The following NCKAP1 variants were observed in gnomAD, a reference collection of about 807,000 sequenced individuals.
NCKAP1 encodes nck-associated protein 1.
NCKAP1 carries 21 observed loss-of-function variants against 151.2 expected under a neutral mutation model. That is an observed-to-expected ratio of 0.14 (90% confidence interval 0.10 to 0.20). The LOEUF (loss-of-function observed/expected upper bound fraction) is 0.20, where lower values mean the gene tolerates loss of function less well. Among genes scored for constraint, NCKAP1 ranks in the 10% least tolerant of loss-of-function variants. The pLI is 1.00. For synonymous variants in NCKAP1, 484 were observed against 451.8 expected, an observed-to-expected ratio of 1.07 and a Z score of -0.90; for missense variants, 933 against 1,352.1, an observed-to-expected ratio of 0.69 and a Z score of 4.86.
In NCKAP1 at chr2:182,942,139, C is replaced by T; in HGVS notation, c.2626G>A (p.Val876Met). The T allele has an allele frequency of 1.2e-6, 2 of 1,612,562 alleles. No individual in the cohort carries two copies. Among genetic ancestry groups the T allele is most frequent in the South Asian group, 1.1e-5 (1 of 90,956 alleles). The change falls in exon 24 of 31, where the codon GTG becomes ATG. Residue 876 changes from valine (V) to methionine (M), a missense_variant. Coordinates refer to ENST00000361354, the MANE Select transcript of NCKAP1 (RefSeq NM_013436.5). ...AAGCTGGTCCTCATTTGTGTTAACACATCAACATTCTCCACCACAAGTTTC... is the reference window on the plus strand; with the variant it reads ...AAGCTGGTCCTCATTTGTGTTAACATATCAACATTCTCCACCACAAGTTTC... The part of the protein sequence containing the change: ...LKKLVVENVD[V>M]LTQMRTSFDK...
intron 10 of NCKAP1, among the ~76,000 whole-genome samples, chr2:182,984,932 G>A (rs1202242124): frequency 6.6e-6 from 1 of 152,060 alleles, no homozygotes; most frequent in Non-Finnish European, 1.5e-5. Flanking sequence ...TACCTTAATT[G>A]TAAAAGATCT....
At chr2:183,026,381 GAGA>G (rs1197622414) in intron 1 of NCKAP1, among the ~76,000 whole-genome samples, 2 of 151,758 alleles carry the variant, frequency 1.3e-5, no homozygotes, top group African/African-American at 2.4e-5. Flanking sequence ...GAAGCTGAGG[GAGA>G]AGATCACTTG....
At chr2:182,988,956 C>T (rs1698111380) in intron 9 of NCKAP1, 74 bp downstream of exon 9, 33 of 1,345,802 alleles carry the variant, frequency 2.5e-5, no homozygotes, top group Admixed American at 3.9e-5. Context: ...ACTCCTTTAT[C>T]CCCAAAACTT....
intron 23 of NCKAP1, among the ~76,000 whole-genome samples, chr2:182,947,325 A>G (rs1181335973): frequency 1.3e-5 from 2 of 152,180 alleles, no homozygotes; most frequent in Non-Finnish European, 2.9e-5. Context: ...GTCTATGTAA[A>G]GAGGGCTGGG....
chr2:182,991,702 C>G (rs1402829030), intron 8 of NCKAP1, among the ~76,000 whole-genome samples: 1 of 149,760 alleles, frequency 6.7e-6, no homozygotes, highest in Admixed American at 6.7e-5. Flanking sequence ...AACAGAAGAC[C>G]AAGTCTTGAC....
intron 2 of NCKAP1, among the ~76,000 whole-genome samples, chr2:183,010,858 T>C (rs374233307): frequency 6.6e-6 from 1 of 152,216 alleles, no homozygotes; most frequent in Non-Finnish European, 1.5e-5. Context: ...GAAATATAAA[T>C]AGGTTAGTTC....
rs192499610 is a variant in NCKAP1 at position 182,963,252 on chromosome 2, A to G, written c.1762-974T>C. The stretch of plus-strand genomic sequence containing the variant: ...TTGGTTCACCTTAGGAAAGATTTCA[A>G]TTAATAAACAGTGTTTTGTTTAATC... On this transcript the variant is annotated intron_variant, in intron 17 of 30. Transcript: ENST00000361354. 1.3e-3 allele frequency among the ~76,000 whole-genome samples: 191 copies of G among 152,248 alleles called. 2 individuals are homozygous for G. The highest frequency in any genetic ancestry group is 4.4e-3 in the African/African-American group (184 of 41,574).
chr2:182,983,871 A>G (rs943833872), intron 10 of NCKAP1, among the ~76,000 whole-genome samples: 1 of 152,134 alleles, frequency 6.6e-6, no homozygotes, highest in Non-Finnish European at 1.5e-5. Flanking sequence ...CGTCTCTACT[A>G]AAAATACAAA....
chr2:182,946,020 G>T (rs71427864), intron 23 of NCKAP1, among the ~76,000 whole-genome samples: 1 of 152,064 alleles, frequency 6.6e-6, no homozygotes, highest in African/African-American at 2.4e-5. Flanking sequence ...AACATGGATA[G>T]AGCTGGAGAC....
At chr2:182,952,580 A>G (rs1388076268) in intron 22 of NCKAP1, 78 bp from the exon 23 acceptor site, 2 of 1,175,574 alleles carry the variant, frequency 1.7e-6, no homozygotes, top group African/African-American at 3.1e-5. Context: ...ACAATACAAC[A>G]TCTCATTATA....
chr2:182,946,560 A>C (rs993451728), intron 23 of NCKAP1, among the ~76,000 whole-genome samples: 12 of 152,078 alleles, frequency 7.9e-5, no homozygotes, highest in African/African-American at 2.7e-4. Context: ...CCCATATAAC[A>C]AACCTGCACA....
chr2:182,928,290 C>CT (rs1044244757), intron 28 of NCKAP1, 64 bp from the exon 29 acceptor site: 2 of 1,107,702 alleles, frequency 1.8e-6, no homozygotes, highest in Non-Finnish European at 2.7e-6. Context: ...GAAGGCAAAT[C>CT]TTTAATGACT....
intron 26 of NCKAP1, among the ~76,000 whole-genome samples, chr2:182,932,016 T>A (rs746911111): frequency 3.2e-4 from 49 of 152,234 alleles, no homozygotes; most frequent in Middle Eastern, 3.4e-3. Flanking sequence ...CCTCATACAA[T>A]GCTGGTAGGA....
intron 28 of NCKAP1, among the ~76,000 whole-genome samples, chr2:182,928,481 T>C (rs2105797939): frequency 6.6e-6 from 1 of 152,104 alleles, no homozygotes; most frequent in South Asian, 2.1e-4. Context: ...AAATCACACA[T>C]CAGTTTTATA....
rs6433998 is a variant in NCKAP1, at chr2:182,919,632, C to T, written c.*6070G>A. The T allele has an allele frequency of 0.94, 141,866 of 150,576 alleles. 66,902 individuals carry two copies. The highest frequency in any genetic ancestry group is 0.99 in the East Asian group (5,098 of 5,132). The allele number at this position is 150,576 out of a possible 1,614,324, so 9.3% of individuals were successfully genotyped here. A position where few individuals can be genotyped will look rare whatever the true frequency, so the allele number is the denominator to read the frequency against. On this transcript the variant is annotated 3_prime_UTR_variant, in exon 31 of 31. Transcript: ENST00000361354. ...TGAATATGCCTTCAGAATGCAAGTG[C>T]TTTTTTTTTTTAATGTATTATAATT...
At chr2:183,032,191 C>A (rs964503423) in intron 1 of NCKAP1, among the ~76,000 whole-genome samples, 16 of 151,964 alleles carry the variant, frequency 1.1e-4, no homozygotes, top group African/African-American at 3.9e-4. Context: ...ACCTACAGCC[C>A]AGAAATGTTA....
intron 2 of NCKAP1, among the ~76,000 whole-genome samples, chr2:183,010,670 G>T (rs1030311310): frequency 3.3e-5 from 5 of 152,068 alleles, no homozygotes; most frequent in African/African-American, 1.2e-4. Context: ...GGCTATAGAT[G>T]GTCAAATTAA....
At chr2:182,983,134 G>T in intron 11 of NCKAP1, 152 bp downstream of exon 11, 1 of 695,200 alleles carries the variant, frequency 1.4e-6, no homozygotes. Flanking sequence ...GAGGTACGAT[G>T]TATGAATGTC....
intron 2 of NCKAP1, among the ~76,000 whole-genome samples, chr2:183,013,238 A>C (rs912382547): frequency 6.6e-6 from 1 of 152,128 alleles, no homozygotes; most frequent in African/African-American, 2.4e-5. Context: ...ACATTCATAT[A>C]AACAATTGGC....
Sources: allele counts gnomAD v4.1 joint callset (sites outside exome capture counted in the v4.1 genomes callset), GRCh38; gene constraint gnomAD v4.1.1; transcripts MANE v1.5; gene names NCBI Gene and HGNC (gene_info 2026-07-23, HGNC 2026-07-21).